TTLL7: variants seen among roughly 807,000 people sequenced by gnomAD.
TTLL7 encodes tubulin tyrosine ligase like 7.
In TTLL7, 53 loss-of-function variants were observed where a neutral mutation model predicts 120.2. The ratio of observed to expected loss-of-function variants is 0.44; its 90% CI spans 0.35 to 0.55. The LOEUF (loss-of-function observed/expected upper bound fraction) is 0.55. TTLL7 is among the 20% of genes least tolerant of loss of function. The pLI is 0.00. For missense variants in TTLL7, 803 were observed against 1,054.7 expected, an observed-to-expected ratio of 0.76 and a Z score of 3.31; for synonymous variants, 353 against 351.7, an observed-to-expected ratio of 1.00 and a Z score of -0.04.
In TTLL7 at chr1:83,900,744, G is replaced by A. The variant is rs190475903; in HGVS notation, c.2208+3335C>T. The stretch of plus-strand genomic sequence containing the variant: ...AGGATGGAATGCTGGAAGTGGTTTT[G>A]CTGACTCATAACATTATGAACATGT... On this transcript the variant is annotated intron_variant, in intron 18 of 20. Transcript: ENST00000260505. 1.1e-4 allele frequency among the ~76,000 whole-genome samples: 16 copies of A among 152,090 alleles called. No individual in the cohort carries two copies. The East Asian group carries it at 2.9e-3, about 28-fold the overall frequency.
intron 1 of TTLL7, among the ~76,000 whole-genome samples, chr1:83,981,817 C>A (rs531135035): frequency 1.4e-5 from 2 of 146,428 alleles, no homozygotes; most frequent in Non-Finnish European, 3.0e-5. Context: ...GGCGACAGAG[C>A]GAGACTCTGT....
At chr1:83,938,560 A>G (rs1390741728) in intron 7 of TTLL7, among the ~76,000 whole-genome samples, 1 of 152,190 alleles carries the variant, frequency 6.6e-6, no homozygotes, top group Non-Finnish European at 1.5e-5. Flanking sequence ...TCGGTACCAC[A>G]GTGCACTTAG....
chr1:83,923,917 G>C (rs1658893908), intron 10 of TTLL7, among the ~76,000 whole-genome samples: 1 of 152,110 alleles, frequency 6.6e-6, no homozygotes, highest in African/African-American at 2.4e-5. Context: ...TTCCATCCAA[G>C]GGATTTCTCT....
At chr1:83,901,904 A>G (rs1240836905) in intron 18 of TTLL7, 1 of 151,944 alleles carries the variant, frequency 6.6e-6, no homozygotes, top group Admixed American at 6.6e-5. Flanking sequence ...CACTACTAAA[A>G]TAGTCTATCT....
chr1:83,952,517 G>A lies in TTLL7; in HGVS notation c.-176-130C>T, dbSNP rs189716322. ...TTCAATCAACAAATAATTGTAAATCGGTTTATTAAACCTTACGCAAAATGC... is the reference window on the plus strand; with the variant it reads ...TTCAATCAACAAATAATTGTAAATCAGTTTATTAAACCTTACGCAAAATGC... On this transcript the variant is annotated intron_variant, in intron 1 of 20. Transcript: ENST00000260505. 2.9e-3 allele frequency: 807 copies of A among 276,394 alleles called. 13 individuals carry two copies. In the South Asian group the frequency reaches 0.041, roughly 14 times the overall value. 17.1% of individuals were successfully genotyped at this position (276,394 alleles called of 1,614,324 possible).
At chr1:83,987,643 T>C (rs1652598755) in intron 1 of TTLL7, among the ~76,000 whole-genome samples, 1 of 152,168 alleles carries the variant, frequency 6.6e-6, no homozygotes, top group Non-Finnish European at 1.5e-5. Context: ...TTTTTAAAAC[T>C]GCTAATAACA....
chr1:83,904,176 A>T lies in TTLL7; in HGVS notation c.2128-17T>A, dbSNP rs757760219. ...ATCAATGATCTGTTTGGAAGGAGGAACATTAAGAAATTTACAGGTTGAAAC... is the reference window on the plus strand; with the variant it reads ...ATCAATGATCTGTTTGGAAGGAGGATCATTAAGAAATTTACAGGTTGAAAC... On this transcript the variant is annotated splice_polypyrimidine_tract_variant and intron_variant, in intron 17 of 20. Coordinates refer to ENST00000260505, the MANE Select transcript of TTLL7 (RefSeq NM_024686.6). 5 of 1,596,714 alleles carry T rather than the reference A, an allele frequency of 3.1e-6. No individual in the cohort carries two copies. The highest frequency in any genetic ancestry group is 8.6e-7 in the Non-Finnish European group (1 of 1,169,076).
At chr1:83,986,863 A>G (rs1434226123) in intron 1 of TTLL7, among the ~76,000 whole-genome samples, 3 of 152,190 alleles carry the variant, frequency 2.0e-5, no homozygotes, top group Non-Finnish European at 2.9e-5. Context: ...AAGAAGAAGA[A>G]GGCAAGGATG....
intron 1 of TTLL7, among the ~76,000 whole-genome samples, chr1:83,963,437 T>G (rs1415317754): frequency 1.3e-5 from 2 of 151,694 alleles, no homozygotes; most frequent in African/African-American, 4.8e-5. Flanking sequence ...GAAAGAGAGA[T>G]AACAGATTCC....
chr1:83,866,178 A>G lies in TTLL7; in HGVS notation c.*3784T>C, dbSNP rs2100682782. On this transcript the variant is annotated 3_prime_UTR_variant, in exon 21 of 21. Coordinates refer to ENST00000260505, the MANE Select transcript of TTLL7 (RefSeq NM_024686.6). ...TTCTGTCACTCTTGAGGTATTTACT[A>G]TTTTTTAAAGAATACACATTTAAGA... is the stretch of plus-strand genomic sequence containing the variant. The G allele has an allele frequency of 6.6e-6, 1 of 151,958 alleles. No homozygotes were observed. Among genetic ancestry groups the G allele is most frequent in the Non-Finnish European group, 1.5e-5 (1 of 67,758 alleles). The allele number at this position is 151,958 out of a possible 1,614,324, so 9.4% of individuals were successfully genotyped here. A position where few individuals can be genotyped will look rare whatever the true frequency, so the allele number is the denominator to read the frequency against.
chr1:83,932,733 A>G (rs531895837), intron 9 of TTLL7, among the ~76,000 whole-genome samples: 1 of 152,268 alleles, frequency 6.6e-6, no homozygotes, highest in Admixed American at 6.6e-5. Context: ...ACAAAAAGAG[A>G]GATACTTGAT....
intron 9 of TTLL7, among the ~76,000 whole-genome samples, chr1:83,930,809 G>A (rs1659534417): frequency 6.6e-6 from 1 of 151,968 alleles, no homozygotes; most frequent in African/African-American, 2.4e-5. Context: ...CCTCCAGGAT[G>A]GTACTGAGGT....
chr1:83,993,714 G>T (rs1653209998), intron 1 of TTLL7, among the ~76,000 whole-genome samples: 1 of 152,082 alleles, frequency 6.6e-6, no homozygotes, highest in African/African-American at 2.4e-5. Flanking sequence ...CACCTTCAAA[G>T]GAAACATAAG....
At chr1:83,915,052 G>T (rs980991816) in intron 14 of TTLL7, among the ~76,000 whole-genome samples, 1 of 152,162 alleles carries the variant, frequency 6.6e-6, no homozygotes, top group Admixed American at 6.6e-5. Context: ...AGAAGGGAAG[G>T]TCTAAGCCTA....
intron 1 of TTLL7, among the ~76,000 whole-genome samples, chr1:83,988,646 G>A (rs1307533623): frequency 6.6e-6 from 1 of 152,042 alleles, no homozygotes; most frequent in Non-Finnish European, 1.5e-5. Flanking sequence ...GTGATGTTGA[G>A]CACTTTGTCA....
chr1:83,966,677 T>G (rs79055281), intron 1 of TTLL7, among the ~76,000 whole-genome samples: 3,319 of 152,166 alleles, frequency 0.022, 61 homozygotes, highest in Non-Finnish European at 0.036. Flanking sequence ...AAATAGAGAT[T>G]GTCCATAATC....
intron 1 of TTLL7, among the ~76,000 whole-genome samples, chr1:83,972,719 T>C (rs891564389): frequency 6.6e-6 from 1 of 152,146 alleles, no homozygotes; most frequent in Admixed American, 6.6e-5. Context: ...TCTTTCTCCG[T>C]ATCCTCATCA....
At chr1:83,991,065 A>G (rs1398113835) in intron 1 of TTLL7, among the ~76,000 whole-genome samples, 1 of 152,234 alleles carries the variant, frequency 6.6e-6, no homozygotes, top group East Asian at 1.9e-4. Flanking sequence ...AACTTGGAGG[A>G]CATTATATTA....
Position 83,882,985 on chromosome 1 carries a change from C to A in TTLL7, c.2521G>T (p.Gly841Cys). ...TACCTGGAATTACCCCAGTCAGGAC[C>A]AATGCCTGAAAGTGATCCTCTTTTG... Reference protein sequence around the residue: ...TDKRGSLSGIGPDWGNSRYLL... With the variant: ...TDKRGSLSGICPDWGNSRYLL... Residue 841 changes from glycine to cysteine, a missense_variant, in exon 20 of 21, where the codon GGT becomes TGT. This residue lies in a region of TTLL7 where 388 missense variants were observed against 450.4 expected (regional missense o/e 0.86). Coordinates refer to ENST00000260505, the MANE Select transcript of TTLL7 (RefSeq NM_024686.6). The A allele has an allele frequency of 6.2e-7, 1 of 1,612,302 alleles. No individual in the cohort carries two copies. The highest frequency in any genetic ancestry group is 2.2e-5 in the East Asian group (1 of 44,830).
Sources: allele counts gnomAD v4.1 joint callset (sites outside exome capture counted in the v4.1 genomes callset), GRCh38; gene constraint gnomAD v4.1.1; regional missense constraint gnomAD v4.1.1; transcripts MANE v1.5; gene names NCBI Gene and HGNC (gene_info 2026-07-23, HGNC 2026-07-21).